The following SORCS3 variants were observed in gnomAD, a reference collection of about 807,000 sequenced individuals.
SORCS3 encodes the protein sortilin related VPS10 domain containing receptor 3, also known as VPS10 domain-containing receptor SorCS3.
In SORCS3, 57 loss-of-function variants were observed where a neutral mutation model predicts 146.3. The ratio of observed to expected loss-of-function variants is 0.39; its 90% CI spans 0.31 to 0.49. The LOEUF is 0.49. Among genes scored for constraint, SORCS3 ranks in the 20% least tolerant of loss-of-function variants. The pLI is 0.92. For missense variants in SORCS3, 1,341 were observed against 1,575.5 expected (o/e 0.85, Z 2.52); for synonymous variants, 653 against 618.5 (o/e 1.06, Z -0.83).
intron 5 of SORCS3, among the ~76,000 whole-genome samples, chr10:105,078,766 C>T (rs1019228272): frequency 2.6e-5 from 4 of 152,058 alleles, no homozygotes; most frequent in African/African-American, 7.3e-5. Context: ...ACAAGGGTGC[C>T]ATTATTACCT....
At chr10:105,214,296 G>A (rs768528925) in intron 17 of SORCS3, 146 bp from the exon 18 acceptor site, 4 of 789,572 alleles carry the variant, frequency 5.1e-6, no homozygotes, top group Non-Finnish European at 8.4e-6. Context: ...CTGTCTTTTT[G>A]AGACTTGGTT....
chr10:105,196,828 T>C (rs548089725), intron 14 of SORCS3, among the ~76,000 whole-genome samples: 1 of 152,192 alleles, frequency 6.6e-6, no homozygotes, highest in Non-Finnish European at 1.5e-5. Flanking sequence ...TTCCTGTGGC[T>C]GTTGTAACAA....
intron 3 of SORCS3, among the ~76,000 whole-genome samples, chr10:104,917,592 C>G (rs2097951458): frequency 6.6e-6 from 1 of 152,170 alleles, no homozygotes; most frequent in South Asian, 2.1e-4. Flanking sequence ...ACTTATTCCT[C>G]CTATATAACT....
intron 14 of SORCS3, among the ~76,000 whole-genome samples, chr10:105,199,362 G>A (rs1411141365): frequency 6.6e-6 from 1 of 151,988 alleles, no homozygotes; most frequent in Non-Finnish European, 1.5e-5. Context: ...ACATAAATAT[G>A]AGTTCCTTTT....
chr10:104,923,174 G>A lies in SORCS3; in HGVS notation c.795+7242G>A, dbSNP rs147727259. ...TTCGAAGCCCCTTCCAGCTCAGGTC[G>A]TCTGGATGGCCACCATTTAGACAGT... On this transcript the variant is annotated intron_variant, in intron 3 of 26. Coordinates refer to ENST00000369701, the MANE Select transcript of SORCS3 (RefSeq NM_014978.3). Among the ~76,000 whole-genome samples the A allele has an allele frequency of 3.0e-3, 452 of 152,276 alleles. 2 individuals carry two copies. The highest frequency in any genetic ancestry group is 0.019 in the South Asian group (90 of 4,820).
chr10:104,968,878 A>G (rs1391795400), intron 3 of SORCS3, among the ~76,000 whole-genome samples: 1 of 152,192 alleles, frequency 6.6e-6, no homozygotes, highest in Non-Finnish European at 1.5e-5. Flanking sequence ...TTAAAAACCC[A>G]ATTTTAAATA....
chr10:104,797,491 A>T (rs1034745388), intron 1 of SORCS3, among the ~76,000 whole-genome samples: 2 of 151,480 alleles, frequency 1.3e-5, no homozygotes, highest in Non-Finnish European at 2.9e-5. Context: ...CTTGAATCTG[A>T]ATCAAGGCTG....
At chr10:105,014,758 A>C (rs910445326) in intron 4 of SORCS3, among the ~76,000 whole-genome samples, 1 of 152,176 alleles carries the variant, frequency 6.6e-6, no homozygotes, top group African/African-American at 2.4e-5. Context: ...TTGGAAAGTG[A>C]TTAGGTCATG....
At chr10:104,884,894 G>A (rs2018666975) in intron 2 of SORCS3, among the ~76,000 whole-genome samples, 1 of 151,612 alleles carries the variant, frequency 6.6e-6, no homozygotes, top group Admixed American at 6.6e-5. Flanking sequence ...ACCAATCCTA[G>A]TGGACCTGGA....
chr10:105,077,094 T>TA (rs1412870318), intron 5 of SORCS3, among the ~76,000 whole-genome samples: 1 of 152,210 alleles, frequency 6.6e-6, no homozygotes, highest in African/African-American at 2.4e-5. Context: ...ATAGAATGTA[T>TA]AAAGATATCA....
chr10:104,858,683 G>A (rs1215818418), intron 2 of SORCS3, among the ~76,000 whole-genome samples: 2 of 150,418 alleles, frequency 1.3e-5, no homozygotes, highest in East Asian at 2.0e-4. Context: ...GTGCAATGGT[G>A]TGATCTCGGC....
chr10:105,141,924 TG>T (rs2056098109), intron 8 of SORCS3, among the ~76,000 whole-genome samples: 3 of 152,170 alleles, frequency 2.0e-5, no homozygotes, highest in Admixed American at 2.0e-4. Flanking sequence ...TTGACAGAGT[TG>T]TGAGGATTTA....
chr10:104,916,247 G>A (rs1670671226), intron 3 of SORCS3, among the ~76,000 whole-genome samples: 1 of 152,182 alleles, frequency 6.6e-6, no homozygotes, highest in Admixed American at 6.5e-5. Flanking sequence ...TCAGAGAGAT[G>A]AAGTAACTTT....
At chr10:104,814,670 A>T (rs78797151) in intron 1 of SORCS3, among the ~76,000 whole-genome samples, 8,998 of 152,258 alleles carry the variant, frequency 0.059, 290 homozygotes, top group South Asian at 0.08. Flanking sequence ...ATATGTTTAC[A>T]CATCTAACTG....
intron 1 of SORCS3, among the ~76,000 whole-genome samples, chr10:104,809,447 G>A (rs1342498223): frequency 2.6e-5 from 4 of 152,238 alleles, no homozygotes; most frequent in Non-Finnish European, 5.9e-5. Context: ...TTCTCAAAGA[G>A]CAAGTAGAAA....
chr10:104,787,856 C>A (rs1241163568), intron 1 of SORCS3, among the ~76,000 whole-genome samples: 1 of 152,178 alleles, frequency 6.6e-6, no homozygotes, highest in Non-Finnish European at 1.5e-5. Context: ...TAATGAGAGT[C>A]AGCTACAAGC....
At chr10:104,673,894 A>G (rs1276217488) in intron 1 of SORCS3, among the ~76,000 whole-genome samples, 5 of 152,244 alleles carry the variant, frequency 3.3e-5, no homozygotes, top group African/African-American at 1.2e-4. Flanking sequence ...TAGCAGCTCT[A>G]TCTTCACCCC....
chr10:104,644,654 C>G (rs1034046561), intron 1 of SORCS3, among the ~76,000 whole-genome samples: 3 of 152,194 alleles, frequency 2.0e-5, no homozygotes, highest in Non-Finnish European at 4.4e-5. Flanking sequence ...AACATGGGGC[C>G]TAGCTCCAGG....
intron 5 of SORCS3, among the ~76,000 whole-genome samples, chr10:105,045,006 A>T (rs1335245098): frequency 2.1e-5 from 3 of 145,996 alleles, no homozygotes; most frequent in African/African-American, 5.0e-5. Flanking sequence ...GCCACCACTC[A>T]GAAGTCCAGA....
Sources: allele counts gnomAD v4.1 joint callset (sites outside exome capture counted in the v4.1 genomes callset), GRCh38; gene constraint gnomAD v4.1.1; transcripts MANE v1.5; gene names NCBI Gene and HGNC (gene_info 2026-07-23, HGNC 2026-07-21).